Variants in KIAA0319L observed in about 807,000 individuals in gnomAD.
The protein encoded by KIAA0319L is KIAA0319 like.
KIAA0319L carries 55 observed loss-of-function variants against 120.1 expected under a neutral mutation model. That is an observed-to-expected ratio of 0.46 (90% CI 0.37 to 0.57). The LOEUF (loss-of-function observed/expected upper bound fraction) is 0.57, where lower values mean the gene tolerates loss of function less well. KIAA0319L is among the 20% of genes least tolerant of loss of function. The probability of loss-of-function intolerance (pLI) is 0.00; values close to 1 mark genes in which losing one functional copy is unlikely to be tolerated. For synonymous variants in KIAA0319L, 398 were observed against 471.9 expected, an observed-to-expected ratio of 0.84 and a Z score of 2.03; for missense variants, 1,049 against 1,255.3, an observed-to-expected ratio of 0.84 and a Z score of 2.48.
At chr1:35,438,311 A>G (rs1188633) in intron 20 of KIAA0319L, among the ~76,000 whole-genome samples, 50,191 of 151,834 alleles carry the variant, frequency 0.33, 14,221 homozygotes, top group East Asian at 0.78. Flanking sequence ...CACCCAACCC[A>G]CAGAGGCTCA....
chr1:35,453,358 A>C lies in KIAA0319L; in HGVS notation c.1913+199T>G, dbSNP rs1642198631. 6.6e-6 allele frequency among the ~76,000 whole-genome samples: 1 copy of C among 152,208 alleles called. No individual in the cohort carries two copies. The highest frequency in any genetic ancestry group is 6.5e-5 in the Admixed American group (1 of 15,278). On this transcript the variant is annotated intron_variant, in intron 12 of 20. Transcript: ENST00000325722. The surrounding 1 kb of genome is among the most constrained non-coding windows in gnomAD (Gnocchi z 4.1). ...ACTACCTGGGGACTAGTTGATGGCAAGCATTCTTTTTTTCTTACAAAAATT... is the reference window on the plus strand; with the variant it reads ...ACTACCTGGGGACTAGTTGATGGCACGCATTCTTTTTTTCTTACAAAAATT...
intron 2 of KIAA0319L, chr1:35,511,198 G>T: frequency 6.5e-6 from 1 of 154,628 alleles, no homozygotes. Flanking sequence ...CCCTATCAGG[G>T]CAATGACTGT....
intron 6 of KIAA0319L, among the ~76,000 whole-genome samples, chr1:35,469,064 T>G (rs1391330100): frequency 1.3e-5 from 2 of 152,238 alleles, no homozygotes; most frequent in East Asian, 3.8e-4. Context: ...AGTCTCACTT[T>G]GTTGCTCAGG....
chr1:35,524,202 A>C lies in KIAA0319L; in HGVS notation c.143-17067T>G, dbSNP rs1646032671. 2.6e-5 allele frequency among the ~76,000 whole-genome samples: 4 copies of C among 152,200 alleles called. No individual in the cohort carries two copies. In the South Asian group the frequency reaches 8.3e-4, roughly 32 times the overall value. ...ACAGGGATTACTAGGTCAAAGAAAA[A>C]ATAACAAAAAATTATATTCCCTGGT... On this transcript the variant is annotated intron_variant, in intron 2 of 20. Transcript: ENST00000325722.
chr1:35,524,978 CCT>C (rs1166683138), intron 2 of KIAA0319L, among the ~76,000 whole-genome samples: 2 of 152,068 alleles, frequency 1.3e-5, no homozygotes, highest in Non-Finnish European at 2.9e-5. Context: ...CATTAATTAA[CCT>C]CTCCTCATCC....
intron 2 of KIAA0319L, among the ~76,000 whole-genome samples, chr1:35,531,838 G>A (rs764020117): frequency 6.6e-6 from 1 of 151,974 alleles, no homozygotes; most frequent in Non-Finnish European, 1.5e-5. Context: ...TTATATCTTC[G>A]ACAATGACTA....
chr1:35,509,359 A>G (rs1204245689), intron 2 of KIAA0319L, among the ~76,000 whole-genome samples: 3 of 152,230 alleles, frequency 2.0e-5, no homozygotes, highest in African/African-American at 2.4e-5. Flanking sequence ...AAATAACACA[A>G]TATATAAAAA....
chr1:35,472,993 C>T (rs1475096917), intron 5 of KIAA0319L, among the ~76,000 whole-genome samples: 1 of 147,206 alleles, frequency 6.8e-6, no homozygotes, highest in East Asian at 2.1e-4. Flanking sequence ...GCTGGCCAGG[C>T]TGGTCTTGAA....
At chr1:35,525,956 T>C (rs531697020) in intron 2 of KIAA0319L, among the ~76,000 whole-genome samples, 2 of 152,156 alleles carry the variant, frequency 1.3e-5, no homozygotes, top group Non-Finnish European at 2.9e-5. Flanking sequence ...CCCAGTAGTT[T>C]TACAGTTCTG....
chr1:35,441,152 C>A lies in KIAA0319L; in HGVS notation c.2871-14G>T, dbSNP rs752840271. On this transcript the variant is annotated splice_polypyrimidine_tract_variant and intron_variant, in intron 19 of 20. Transcript: ENST00000325722. ...TTTCCTTTTTGCCTAAAAAACACAA[C>A]CCCCACCCCTGCTCAGGAAAGAGGT... 1.9e-6 allele frequency: 3 copies of A among 1,607,826 alleles called. No individual in the cohort carries two copies. The highest frequency in any genetic ancestry group is 2.7e-5 in the African/African-American group (2 of 74,760).
At chr1:35,552,620 T>C (rs1021605059) in intron 2 of KIAA0319L, among the ~76,000 whole-genome samples, 1 of 152,106 alleles carries the variant, frequency 6.6e-6, no homozygotes, top group Non-Finnish European at 1.5e-5. Context: ...TGGTATGTGG[T>C]AGGTGTGCTT....
chr1:35,462,328 A>C (rs939408532), intron 8 of KIAA0319L, among the ~76,000 whole-genome samples: 1 of 152,206 alleles, frequency 6.6e-6, no homozygotes, highest in Non-Finnish European at 1.5e-5. Context: ...CAAATCTGAA[A>C]ACCAGTGAGT....
rs568218335 is a variant in KIAA0319L, at chr1:35,502,458, TCAC to T, written c.666+4151_666+4153del. Reference sequence around the variant, plus strand: ...ATCATCATCATCATCATCATCATCATCACCATCACCATCATTAAAGACTACCTC... The same window carrying T: ...ATCATCATCATCATCATCATCATCATCATCACCATCATTAAAGACTACCTC... On this transcript the variant is annotated intron_variant, in intron 3 of 20. Transcript: ENST00000325722. Among the ~76,000 whole-genome samples the T allele has an allele frequency of 7.5e-4, 111 of 148,450 alleles. 4 individuals are homozygous for T. In the South Asian group the frequency reaches 0.021, roughly 28 times the overall value.
chr1:35,521,621 G>C (rs1273072569), intron 2 of KIAA0319L, among the ~76,000 whole-genome samples: 1 of 150,794 alleles, frequency 6.6e-6, no homozygotes, highest in Non-Finnish European at 1.5e-5. Flanking sequence ...GTGACGGAGA[G>C]AGACTCCGTC....
At chr1:35,442,405 A>G (rs1190576514) in intron 18 of KIAA0319L, 69 bp from the exon 19 acceptor site, 1 of 1,210,236 alleles carries the variant, frequency 8.3e-7, no homozygotes, top group African/African-American at 1.5e-5. Context: ...GGCTGCTCCC[A>G]GCTTGGGCAG....
chr1:35,541,045 G>A (rs571594717), intron 2 of KIAA0319L, among the ~76,000 whole-genome samples: 6 of 151,992 alleles, frequency 3.9e-5, no homozygotes, highest in South Asian at 4.2e-4. Context: ...GGGCTCGAGC[G>A]ATCCTCTTAC....
At chr1:35,478,635 A>G (rs1259075437) in intron 4 of KIAA0319L, among the ~76,000 whole-genome samples, 2 of 152,372 alleles carry the variant, frequency 1.3e-5, no homozygotes, top group South Asian at 4.1e-4. Flanking sequence ...CCAGACTTTC[A>G]GAAGGTAAGC....
intron 16 of KIAA0319L, among the ~76,000 whole-genome samples, chr1:35,445,352 C>T (rs993859530): frequency 2.6e-5 from 4 of 152,168 alleles, no homozygotes; most frequent in Admixed American, 1.3e-4. Context: ...ATGTGTGGTC[C>T]GTTGCCCATT....
At chr1:35,451,184 C>G (rs1016924603) in intron 13 of KIAA0319L, among the ~76,000 whole-genome samples, 1 of 152,208 alleles carries the variant, frequency 6.6e-6, no homozygotes, top group Non-Finnish European at 1.5e-5. Flanking sequence ...GGCCTCAGCT[C>G]AAAGGCTCAG....
Sources: allele counts gnomAD v4.1 joint callset (sites outside exome capture counted in the v4.1 genomes callset), GRCh38; gene constraint gnomAD v4.1.1; non-coding constraint Gnocchi (gnomAD v3.1); transcripts MANE v1.5; gene names NCBI Gene and HGNC (gene_info 2026-07-23, HGNC 2026-07-21).